Variants in ALMS1 observed in about 807,000 individuals in gnomAD.
ALMS1 encodes the protein ALMS1 centrosome and basal body associated protein.
In ALMS1, 271 loss-of-function variants were observed where a neutral mutation model predicts 352.2. The observed-to-expected ratio is 0.77, with a 90% CI of 0.70 to 0.85. The LOEUF is 0.85. Among genes scored for constraint, ALMS1 ranks in the 40% least tolerant of loss-of-function variants. ALMS1 has a pLI of 0.00. For synonymous variants in ALMS1, 1,865 were observed against 1,761.2 expected, an observed-to-expected ratio of 1.06 and a Z score of -1.48; for missense variants, 5,445 against 4,870.7, an observed-to-expected ratio of 1.12 and a Z score of -3.51.
In ALMS1 at chr2:73,388,894, G is replaced by C. The variant is rs568117460; in HGVS notation, c.324+2702G>C. ...CCCAAAGTGCTGGGATTACAGGTGTGAGCCAGTGTGCCTGGCTCAGATGTC... is the reference window on the plus strand; with the variant it reads ...CCCAAAGTGCTGGGATTACAGGTGTCAGCCAGTGTGCCTGGCTCAGATGTC... On this transcript the variant is annotated intron_variant, in intron 1 of 22. Transcript: ENST00000613296. Among the ~76,000 whole-genome samples, 11 of 152,188 alleles carry C rather than the reference G, an allele frequency of 7.2e-5. No individual in the cohort carries two copies. In the South Asian group the frequency reaches 2.3e-3, roughly 32 times the overall value.
At chr2:73,544,631 C>T (rs748051915) in intron 12 of ALMS1, among the ~76,000 whole-genome samples, 16 of 152,078 alleles carry the variant, frequency 1.1e-4, no homozygotes, top group African/African-American at 3.6e-4. Flanking sequence ...ATAGCCATTA[C>T]GGAAAACATT....
chr2:73,551,933 G>A (rs1040399240), intron 13 of ALMS1, among the ~76,000 whole-genome samples: 3 of 152,108 alleles, frequency 2.0e-5, no homozygotes, highest in African/African-American at 7.2e-5. Context: ...CTGATCCCAG[G>A]GCAGTTTTTA....
intron 9 of ALMS1, among the ~76,000 whole-genome samples, chr2:73,483,312 G>A (rs1485013631): frequency 9.9e-4 from 150 of 151,580 alleles, no homozygotes; most frequent in Non-Finnish European, 1.6e-3. Flanking sequence ...CTTTATTTGT[G>A]CCTTCATTTC....
intron 12 of ALMS1, among the ~76,000 whole-genome samples, chr2:73,539,752 A>T (rs1005609931): frequency 6.6e-6 from 1 of 152,262 alleles, no homozygotes; most frequent in Non-Finnish European, 1.5e-5. Flanking sequence ...AGCCGATTTG[A>T]TCAACTGGCA....
At chr2:73,512,145 C>T (rs1240187563) in intron 10 of ALMS1, among the ~76,000 whole-genome samples, 2 of 152,092 alleles carry the variant, frequency 1.3e-5, no homozygotes, top group African/African-American at 2.4e-5. Context: ...AGCTCAGTAG[C>T]AGGATCTCAG....
At chr2:73,476,556 A>G (rs1672587828) in intron 9 of ALMS1, among the ~76,000 whole-genome samples, 2 of 151,450 alleles carry the variant, frequency 1.3e-5, no homozygotes, top group South Asian at 4.2e-4. Context: ...CCTTGCCAAT[A>G]CTTGTTATTT....
chr2:73,392,323 GACTT>G (rs1338169225), intron 1 of ALMS1, among the ~76,000 whole-genome samples: 15 of 150,162 alleles, frequency 1.0e-4, no homozygotes, highest in South Asian at 4.2e-4. Flanking sequence ...GTGCTTAATT[GACTT>G]ACTTAAAAAC....
chr2:73,534,710 C>G, intron 11 of ALMS1, 114 bp from the exon 12 acceptor site: 1 of 1,091,212 alleles, frequency 9.2e-7, no homozygotes, highest in Non-Finnish European at 1.4e-6. Context: ...TCTTTGTTTA[C>G]TCATAAATTC....
Position 73,599,507 on chromosome 2 carries a change from A to C in ALMS1, c.11654A>C (p.Lys3885Thr), listed in dbSNP as rs1675625818. 2 of 1,613,494 alleles carry C rather than the reference A, an allele frequency of 1.2e-6. No individual in the cohort carries two copies. The highest frequency in any genetic ancestry group is 1.3e-5 in the African/African-American group (1 of 74,926). Residue 3885 changes from lysine to threonine, a missense_variant, in exon 17 of 23, where the codon AAG becomes ACG. Physicochemically the swap from Lys to Thr is moderately conservative, Grantham distance 78. Coordinates refer to ENST00000613296, the MANE Select transcript of ALMS1 (RefSeq NM_001378454.1). ...CNKQNVHMLN[K>T]GIQAGNLEIV... The stretch of plus-strand genomic sequence containing the variant: ...AAGCAGAATGTACACATGTTAAACA[A>C]GGGCATACAAGCAGGTAATTACTTG...
chr2:73,572,433 C>A lies in ALMS1; in HGVS notation c.10556C>A (p.Pro3519Gln), dbSNP rs367670464. 2 of 1,613,046 alleles carry A rather than the reference C, an allele frequency of 1.2e-6. No homozygotes were observed. The highest frequency in any genetic ancestry group is 1.7e-5 in the Admixed American group (1 of 59,870). The change falls in exon 16 of 23, where the codon CCA (proline) becomes CAA (glutamine). Residue 3519 changes from proline (P) to glutamine (Q), a missense_variant. Coordinates refer to ENST00000613296, the MANE Select transcript of ALMS1 (RefSeq NM_001378454.1). Reference protein sequence around the residue: ...HSWKDFFQHHPDKHREHMCLP... With the variant: ...HSWKDFFQHHQDKHREHMCLP... ...TGGAAAGATTTCTTTCAGCATCATCCAGACAAACATAGAGAACACATGTGT... is the reference window on the plus strand; with the variant it reads ...TGGAAAGATTTCTTTCAGCATCATCAAGACAAACATAGAGAACACATGTGT...
Position 73,582,432 on chromosome 2 carries a change from A to G in ALMS1, c.11547+9008A>G, listed in dbSNP as rs529619039. ...TAACTGTTCTTAAGTGTACAAGTCA[A>G]TAATGTTAAATGTATTCACACTATG... On this transcript the variant is annotated intron_variant, in intron 16 of 22. Coordinates refer to ENST00000613296, the MANE Select transcript of ALMS1 (RefSeq NM_001378454.1). Among the ~76,000 whole-genome samples the G allele has an allele frequency of 2.6e-4, 40 of 152,336 alleles. No homozygotes were observed. The South Asian group carries it at 3.9e-3, about 15-fold the overall frequency.
intron 15 of ALMS1, among the ~76,000 whole-genome samples, chr2:73,562,745 G>A (rs542392086): frequency 4.0e-4 from 61 of 151,892 alleles, no homozygotes; most frequent in African/African-American, 1.4e-3. Context: ...AAATTAGCCG[G>A]GCATGGTGGT....
intron 16 of ALMS1, among the ~76,000 whole-genome samples, chr2:73,590,500 T>TA (rs1280774558): frequency 6.6e-6 from 1 of 152,184 alleles, no homozygotes; most frequent in Non-Finnish European, 1.5e-5. Flanking sequence ...TTAATTTTGC[T>TA]AATGCTTTAA....
At chr2:73,476,733 A>G (rs940848867) in intron 9 of ALMS1, among the ~76,000 whole-genome samples, 2 of 151,676 alleles carry the variant, frequency 1.3e-5, no homozygotes, top group Non-Finnish European at 1.5e-5. Flanking sequence ...AGAAATGTCT[A>G]TTATTTTTGC....
chr2:73,538,499 AC>A (rs1485227116), intron 12 of ALMS1, among the ~76,000 whole-genome samples: 1 of 152,140 alleles, frequency 6.6e-6, no homozygotes. Flanking sequence ...CAACTGAGGT[AC>A]TGGGTTCATC....
intron 2 of ALMS1, among the ~76,000 whole-genome samples, chr2:73,414,486 T>TGG (rs1558635535): frequency 4.4e-5 from 2 of 45,046 alleles, no homozygotes; most frequent in Non-Finnish European, 1.7e-4. Context: ...TTTTTTTTTT[T>TGG]TTGTTTTTTT....
rs747436819 is a variant in ALMS1, at chr2:73,568,995, C to CTTTTTTTTTTTTTTTTTTTTTTTTT, written c.10385-3254_10385-3230dup. On this transcript the variant is annotated intron_variant, in intron 15 of 22. Transcript: ENST00000613296. Reference sequence around the variant, plus strand: ...AGCTTGCTTGCTGCTGCTTCTGCTTCTTTTTTTTTTTTTTTTTTTTTTTTT... The same window carrying CTTTTTTTTTTTTTTTTTTTTTTTTT: ...AGCTTGCTTGCTGCTGCTTCTGCTTCTTTTTTTTTTTTTTTTTTTTTTTTTTTTTTTTTTTTTTTTTTTTTTTTTT... 1.1e-4 allele frequency among the ~76,000 whole-genome samples: 6 copies of CTTTTTTTTTTTTTTTTTTTTTTTTT among 53,532 alleles called. 2 individuals carry two copies. Among genetic ancestry groups the CTTTTTTTTTTTTTTTTTTTTTTTTT allele is most frequent in the Non-Finnish European group, 2.0e-4 (6 of 29,532 alleles). 35.1% of individuals were successfully genotyped at this position (53,532 alleles called of 152,430 possible).
chr2:73,595,609 T>G (rs532664868), intron 16 of ALMS1, among the ~76,000 whole-genome samples: 1 of 152,346 alleles, frequency 6.6e-6, no homozygotes, highest in Admixed American at 6.5e-5. Context: ...TGTAAAAGTT[T>G]TGTGTGGGCA....
chr2:73,385,928 GGAGGAGGAGGAGGAA>G lies in ALMS1; in HGVS notation c.71_85del (p.Glu24_Glu28del). 2 of 1,048,488 alleles carry G rather than the reference GGAGGAGGAGGAGGAA, an allele frequency of 1.9e-6. No homozygotes were observed. The highest frequency in any genetic ancestry group is 1.4e-5 in the South Asian group (1 of 72,190). 64.9% of individuals were successfully genotyped at this position (1,048,488 alleles called of 1,614,324 possible). ...TGGAGGAGGAGGAGGAGGAGGAGGA[GGAGGAGGAGGAGGAA>G]GAGGAGGAGGCTGCAGCGGCGGCGG... On this transcript the variant is annotated inframe_deletion, in exon 1 of 23. Transcript: ENST00000613296.
Sources: allele counts gnomAD v4.1 joint callset (sites outside exome capture counted in the v4.1 genomes callset), GRCh38; gene constraint gnomAD v4.1.1; transcripts MANE v1.5; gene names NCBI Gene and HGNC (gene_info 2026-07-23, HGNC 2026-07-21).